NECAB2: variants seen among roughly 807,000 people sequenced by gnomAD.
NECAB2 encodes N-terminal EF-hand calcium binding protein 2.
A neutral mutation model predicts 51.9 loss-of-function variants in NECAB2; 68 were observed. The ratio of observed to expected loss-of-function variants is 1.31; its 90% CI spans 1.08 to 1.60. NECAB2 has a LOEUF of 1.60. Ranked by LOEUF, NECAB2 falls within the 40% of genes most tolerant of loss-of-function variation. The probability of loss-of-function intolerance (pLI) is 0.00; values close to 1 mark genes in which losing one functional copy is unlikely to be tolerated. For missense variants in NECAB2, 854 were observed against 490.3 expected, an observed-to-expected ratio of 1.74 and a Z score of -7.00; for synonymous variants, 329 against 203.5, an observed-to-expected ratio of 1.62 and a Z score of -5.25.
At chr16:83,994,519 G>A (rs555858721) in intron 7 of NECAB2, 90 bp from the exon 8 acceptor site, 95 of 1,595,044 alleles carry the variant, frequency 6.0e-5, no homozygotes, top group African/African-American at 2.7e-5. Flanking sequence ...CAAGTTTGAT[G>A]CCCCTGGAGG....
At position 83,998,024 on chromosome 16, in the gene NECAB2, G is replaced by C. The variant is rs879428819; in HGVS notation, c.850-181G>C. ...GGGGCTACTTCTGCACTGGGCTCTT[G>C]AGGTTCTAGTCCTTTCTTAGCCCAT... On this transcript the variant is annotated intron_variant, in intron 9 of 12. Transcript: ENST00000305202. Among the ~76,000 whole-genome samples, 25 of 152,126 alleles carry C rather than the reference G, an allele frequency of 1.6e-4. No individual in the cohort carries two copies. The highest frequency in any genetic ancestry group is 2.9e-4 in the Non-Finnish European group (20 of 68,022).
At chr16:83,965,798 G>A, upstream of NECAB2, 1 of 1,613,106 alleles carries the variant, frequency 6.2e-7, no homozygotes, top group Non-Finnish European at 8.5e-7. Flanking sequence ...GCCTGGGGCA[G>A]GGGCTGACTT....
chr16:84,000,717 G>A lies in NECAB2; in HGVS notation c.963-7G>A, dbSNP rs548360681. On this transcript the variant is annotated splice_polypyrimidine_tract_variant and splice_region_variant and intron_variant, in intron 10 of 12. Coordinates refer to ENST00000305202, the MANE Select transcript of NECAB2 (RefSeq NM_019065.3). ...AGCCTCCTCCCCCCGACCATCTCCT[G>A]TTGCAGCATCACTGCCGTGAGGCTC... The A allele has an allele frequency of 5.6e-6, 9 of 1,613,740 alleles. No homozygotes were observed. Among genetic ancestry groups the A allele is most frequent in the African/African-American group, 2.7e-5 (2 of 75,026 alleles).
chr16:83,994,303 C>G lies in NECAB2; in HGVS notation c.598C>G (p.Gln200Glu), dbSNP rs781071263. 29 of 1,614,036 alleles carry G rather than the reference C, an allele frequency of 1.8e-5. No homozygotes were observed. In the Middle Eastern group the frequency reaches 1.2e-3, roughly 64 times the overall value. Reference sequence around the variant, plus strand: ...TGTGTGTTCCCATCCAAACTGCAGACAGAACCACATCAAACCCAGCCACAG... The same window carrying G: ...TGTGTGTTCCCATCCAAACTGCAGAGAGAACCACATCAAACCCAGCCACAG... ...AIEEQTSQLRQNHIKPSHSAA... is the reference protein window; with the variant it reads ...AIEEQTSQLRENHIKPSHSAA... Residue 200 changes from glutamine to glutamate, a missense_variant and splice_region_variant, in exon 7 of 13, where the codon CAG becomes GAG. Coordinates refer to ENST00000305202, the MANE Select transcript of NECAB2 (RefSeq NM_019065.3).
At position 84,002,504 on chromosome 16, in the gene NECAB2, T is replaced by C. The variant is rs1349731096; in HGVS notation, c.*158T>C. 5.5e-6 allele frequency: 5 copies of C among 909,752 alleles called. No individual in the cohort carries two copies. The highest frequency in any genetic ancestry group is 2.2e-4 in the Middle Eastern group (1 of 4,612). 56.4% of individuals were successfully genotyped at this position (909,752 alleles called of 1,614,324 possible). A position where few individuals can be genotyped will look rare whatever the true frequency, so the allele number is the denominator to read the frequency against. On this transcript the variant is annotated 3_prime_UTR_variant, in exon 13 of 13. Transcript: ENST00000305202. Reference sequence around the variant, plus strand: ...GTTGTTAAGTGAAGGAGGCCGCCCCTGCCCCCACCTGAGAAGGCAGAGCAG... The same window carrying C: ...GTTGTTAAGTGAAGGAGGCCGCCCCCGCCCCCACCTGAGAAGGCAGAGCAG...
At chr16:83,990,750 C>T in intron 6 of NECAB2, 120 bp downstream of exon 6, 1 of 1,342,372 alleles carries the variant, frequency 7.4e-7, no homozygotes, top group East Asian at 2.4e-5. Flanking sequence ...GGCAAGTTGC[C>T]ACAGCTCTTT....
At chr16:83,976,137 A>T (rs938261628) in intron 2 of NECAB2, among the ~76,000 whole-genome samples, 8 of 152,050 alleles carry the variant, frequency 5.3e-5, no homozygotes, top group African/African-American at 1.9e-4. Flanking sequence ...GGAGGCTGGG[A>T]TTGGGGCTCA....
At chr16:84,000,249 G>C (rs1011596682) in intron 10 of NECAB2, among the ~76,000 whole-genome samples, 1 of 152,168 alleles carries the variant, frequency 6.6e-6, no homozygotes, top group African/African-American at 2.4e-5. Flanking sequence ...TGACATTTCA[G>C]CTGGGCACAG....
At chr16:83,999,122 G>C (rs2084769977) in intron 10 of NECAB2, among the ~76,000 whole-genome samples, 1 of 152,184 alleles carries the variant, frequency 6.6e-6, no homozygotes, top group Non-Finnish European at 1.5e-5. Context: ...CTTTGAGAGG[G>C]GTCTTCTTGG....
intron 6 of NECAB2, among the ~76,000 whole-genome samples, chr16:83,993,061 G>A (rs2084646605): frequency 6.6e-6 from 1 of 152,170 alleles, no homozygotes; most frequent in Non-Finnish European, 1.5e-5. Context: ...AGACGGGGCA[G>A]CTTGTCGTGA....
chr16:84,000,242 C>T (rs563409218), intron 10 of NECAB2, among the ~76,000 whole-genome samples: 6 of 152,178 alleles, frequency 3.9e-5, no homozygotes, highest in African/African-American at 9.7e-5. Context: ...TTTAACATGA[C>T]ATTTCAGCTG....
chr16:83,966,303 A>G (rs1335955893), upstream of NECAB2: 5 of 457,568 alleles, frequency 1.1e-5, no homozygotes, highest in Non-Finnish European at 1.9e-5. Context: ...TTCCAGAAGC[A>G]GGTCCCAAAT....
At chr16:83,997,468 G>T (rs1031867343) in intron 9 of NECAB2, among the ~76,000 whole-genome samples, 199 bp downstream of exon 9, 3 of 145,020 alleles carry the variant, frequency 2.1e-5, no homozygotes, top group East Asian at 2.0e-4. Context: ...ATTTCTTGAG[G>T]CTCCCTGGAC....
At chr16:83,986,793 G>C (rs2084562889) in intron 5 of NECAB2, among the ~76,000 whole-genome samples, 1 of 151,918 alleles carries the variant, frequency 6.6e-6, no homozygotes, top group Admixed American at 6.6e-5. Flanking sequence ...CAAGTGCTGG[G>C]ATTACAGGCA....
chr16:83,994,733 A>AG (rs1435881357), intron 8 of NECAB2, 45 bp downstream of exon 8: 2 of 1,601,914 alleles, frequency 1.2e-6, no homozygotes, highest in African/African-American at 2.7e-5. Context: ...CCAACCCCTG[A>AG]GGGAGTGCAG....
At chr16:83,996,360 C>T (rs908296752) in intron 8 of NECAB2, among the ~76,000 whole-genome samples, 1 of 152,156 alleles carries the variant, frequency 6.6e-6, no homozygotes, top group Admixed American at 6.5e-5. Context: ...ACTACAGAGC[C>T]CAGTGCAAAA....
In NECAB2 at chr16:84,002,332, G is replaced by T. The variant is rs759299609; in HGVS notation, c.1147G>T (p.Val383Leu). 1 of 1,613,988 alleles carries T rather than the reference G, an allele frequency of 6.2e-7. No individual in the cohort carries two copies. The highest frequency in any genetic ancestry group is 8.5e-7 in the Non-Finnish European group (1 of 1,179,944). The change falls in exon 13 of 13, where the codon GTG becomes TTG. Residue 383 changes from valine (V) to leucine (L), a missense_variant. Transcript: ENST00000305202. ...TCTCCTTTTAGCTGCTTGGTGCACG[G>T]TGGGACGGGACTGACAGCCTCCCAG... is the stretch of plus-strand genomic sequence containing the variant. ...RILVPAAWCT[V>L]GRD is the part of the protein sequence containing the mutation.
At chr16:83,990,968 C>G (rs111418240) in intron 6 of NECAB2, among the ~76,000 whole-genome samples, 1 of 152,004 alleles carries the variant, frequency 6.6e-6, no homozygotes, top group African/African-American at 2.4e-5. Context: ...TGTTGTTTGG[C>G]CCACGTTTTA....
chr16:83,999,427 T>C (rs766187706), intron 10 of NECAB2, among the ~76,000 whole-genome samples: 22 of 152,110 alleles, frequency 1.4e-4, no homozygotes, highest in Non-Finnish European at 2.5e-4. Context: ...GTAGAGGCTC[T>C]GGTTTGTCGA....
Sources: gnomAD v4.1 joint callset for allele counts (sites outside exome capture counted in the v4.1 genomes callset) on GRCh38, gnomAD v4.1.1 for gene constraint, MANE v1.5 for transcripts, NCBI Gene and HGNC (gene_info 2026-07-23, HGNC 2026-07-21) for gene names.